The following FOXJ3 variants were observed in gnomAD, a reference collection of about 807,000 sequenced individuals.
The protein encoded by FOXJ3 is forkhead box J3, also known as forkhead box protein J3.
FOXJ3 carries 22 observed loss-of-function variants against 76.1 expected under a neutral mutation model. The ratio of observed to expected loss-of-function variants is 0.29; its 90% CI spans 0.21 to 0.41. FOXJ3 has a LOEUF of 0.41. Ranked by LOEUF, FOXJ3 falls within the 10% of genes least tolerant of loss-of-function variation. The probability of loss-of-function intolerance (pLI) is 1.00; values close to 1 mark genes in which losing one functional copy is unlikely to be tolerated. For synonymous variants in FOXJ3, 269 were observed against 261.2 expected, an observed-to-expected ratio of 1.03 and a Z score of -0.29; for missense variants, 613 against 762.1, an observed-to-expected ratio of 0.80 and a Z score of 2.30.
At chr1:42,295,046 T>C in intron 2 of FOXJ3, among the ~76,000 whole-genome samples, 1 of 152,310 alleles carries the variant, frequency 6.6e-6, no homozygotes, top group South Asian at 2.1e-4. Flanking sequence ...GTTAGTTTTC[T>C]TGAAACCAAG....
chr1:42,269,828 C>G (rs1651741196), intron 3 of FOXJ3, among the ~76,000 whole-genome samples: 1 of 152,122 alleles, frequency 6.6e-6, no homozygotes, highest in Admixed American at 6.6e-5. Flanking sequence ...CTATCTTACC[C>G]CATCTTTTCT....
chr1:42,324,179 A>AT (rs1655668881), intron 1 of FOXJ3, among the ~76,000 whole-genome samples: 3 of 14,912 alleles, frequency 2.0e-4, no homozygotes, highest in African/African-American at 6.9e-4. Flanking sequence ...AGTATATATA[A>AT]ATTCTAGGAA....
rs1016748983 is a variant in FOXJ3 at position 42,177,812 on chromosome 1, A to G, written c.*1898T>C. On this transcript the variant is annotated 3_prime_UTR_variant, in exon 13 of 13. Coordinates refer to ENST00000361346, the MANE Select transcript of FOXJ3 (RefSeq NM_014947.5). ...TCACACACAGCACACACACACAGAA[A>G]CAAAAGATGTTTGTTTAGTTCAAGT... is the stretch of plus-strand genomic sequence containing the variant. 1 of 152,482 alleles carries G rather than the reference A, an allele frequency of 6.6e-6. No individual in the cohort carries two copies. The highest frequency in any genetic ancestry group is 2.4e-5 in the African/African-American group (1 of 41,394). 9.4% of individuals were successfully genotyped at this position (152,482 alleles called of 1,614,324 possible).
intron 4 of FOXJ3, among the ~76,000 whole-genome samples, chr1:42,250,372 T>C (rs1039609225): frequency 9.2e-5 from 14 of 152,136 alleles, no homozygotes; most frequent in African/African-American, 3.1e-4. Flanking sequence ...CCTCTTAAAA[T>C]AACACCCCAA....
chr1:42,263,388 A>C (rs2124623404), intron 4 of FOXJ3, among the ~76,000 whole-genome samples: 1 of 152,312 alleles, frequency 6.6e-6, no homozygotes, highest in Middle Eastern at 3.4e-3. Flanking sequence ...GACTCTAGTA[A>C]ATAATCTCTG....
intron 4 of FOXJ3, among the ~76,000 whole-genome samples, chr1:42,264,034 A>C (rs1440966472): frequency 2.8e-5 from 4 of 141,680 alleles, no homozygotes; most frequent in Non-Finnish European, 6.0e-5. Context: ...TCCAATTAGG[A>C]GCTACTACAA....
chr1:42,274,444 C>T (rs1401358630), intron 3 of FOXJ3, among the ~76,000 whole-genome samples: 1 of 152,134 alleles, frequency 6.6e-6, no homozygotes, highest in Admixed American at 6.5e-5. Context: ...CAGAATTATG[C>T]ATCTTGTGTA....
At chr1:42,179,922 C>T (rs2124088522) in intron 12 of FOXJ3, 97 bp from the exon 13 acceptor site, 1 of 741,692 alleles carries the variant, frequency 1.3e-6, no homozygotes, top group Non-Finnish European at 2.4e-6. Context: ...GCCAGGCACA[C>T]ATTATCTCAC....
chr1:42,249,651 T>C (rs893799598), intron 4 of FOXJ3, among the ~76,000 whole-genome samples: 2 of 152,224 alleles, frequency 1.3e-5, no homozygotes, highest in African/African-American at 2.4e-5. Context: ...AAGACAAACA[T>C]CACTTTTGAG....
intron 7 of FOXJ3, among the ~76,000 whole-genome samples, chr1:42,197,233 T>C (rs1342038416): frequency 1.3e-5 from 2 of 152,126 alleles, no homozygotes; most frequent in Admixed American, 1.3e-4. Flanking sequence ...CCAGGCATGG[T>C]GGCTCATGCC....
At chr1:42,267,519 T>C (rs973639380) in intron 3 of FOXJ3, among the ~76,000 whole-genome samples, 14 of 152,222 alleles carry the variant, frequency 9.2e-5, no homozygotes, top group African/African-American at 3.1e-4. Context: ...CAAGTACTAT[T>C]TAACTCAACG....
At chr1:42,225,938 A>G (rs1475190844) in intron 5 of FOXJ3, among the ~76,000 whole-genome samples, 3 of 152,226 alleles carry the variant, frequency 2.0e-5, no homozygotes, top group Admixed American at 6.5e-5. Flanking sequence ...AATATCCAAA[A>G]GACACGGACA....
chr1:42,323,706 A>C, intron 1 of FOXJ3: 1 of 982,318 alleles, frequency 1.0e-6, no homozygotes. Context: ...CACAATATCC[A>C]GGACAGTGTC....
intron 4 of FOXJ3, among the ~76,000 whole-genome samples, chr1:42,262,489 AATGTAT>A (rs1199996205): frequency 6.6e-6 from 1 of 152,220 alleles, no homozygotes; most frequent in Non-Finnish European, 1.5e-5. Flanking sequence ...TATTCACATA[AATGTAT>A]TTTATAAGAC....
intron 4 of FOXJ3, among the ~76,000 whole-genome samples, chr1:42,237,476 G>GTGTATA (rs1553161317): frequency 6.7e-5 from 9 of 133,562 alleles, no homozygotes; most frequent in African/African-American, 2.5e-4. Flanking sequence ...ACATATATAT[G>GTGTATA]TATATATATA....
chr1:42,315,588 T>A, intron 1 of FOXJ3: 2 of 170,110 alleles, frequency 1.2e-5, no homozygotes, highest in Non-Finnish European at 2.4e-5. Context: ...TTCCTCTAGA[T>A]TACCGTCCTT....
At chr1:42,224,914 C>G (rs549998579) in intron 5 of FOXJ3, among the ~76,000 whole-genome samples, 3 of 151,778 alleles carry the variant, frequency 2.0e-5, no homozygotes, top group East Asian at 3.9e-4. Flanking sequence ...TGGCAAGACC[C>G]CATCTCTACA....
At chr1:42,255,251 T>C (rs1570067954) in intron 4 of FOXJ3, among the ~76,000 whole-genome samples, 1 of 152,034 alleles carries the variant, frequency 6.6e-6, no homozygotes, top group South Asian at 2.1e-4. Flanking sequence ...AGAGGTAGAG[T>C]AGGCGGTATA....
At chr1:42,186,485 C>T (rs1170672676) in intron 11 of FOXJ3, among the ~76,000 whole-genome samples, 3 of 152,092 alleles carry the variant, frequency 2.0e-5, no homozygotes, top group African/African-American at 7.3e-5. Context: ...ACGAAGGTGT[C>T]ATCGGGACCC....
Sources: gnomAD v4.1 joint callset for allele counts (sites outside exome capture counted in the v4.1 genomes callset) on GRCh38, gnomAD v4.1.1 for gene constraint, MANE v1.5 for transcripts, NCBI Gene and HGNC (gene_info 2026-07-23, HGNC 2026-07-21) for gene names.